The following ACBD6 variants were observed in gnomAD, a reference collection of about 807,000 sequenced individuals.
ACBD6 encodes acyl-CoA-binding domain-containing protein 6.
In ACBD6, 28 loss-of-function variants were observed where a neutral mutation model predicts 37.2. The ratio of observed to expected loss-of-function variants is 0.75; its 90% CI spans 0.56 to 1.03. The LOEUF (loss-of-function observed/expected upper bound fraction) is 1.03, where lower values mean the gene tolerates loss of function less well. Among genes scored for constraint, ACBD6 ranks in the 50% least tolerant of loss-of-function variants. The pLI is 0.00. For missense variants in ACBD6, 340 were observed against 337.4 expected (o/e 1.01, Z -0.06); for synonymous variants, 113 against 126.8 (o/e 0.89, Z 0.73).
downstream of ACBD6, among the ~76,000 whole-genome samples, chr1:180,286,402 A>T (rs1359162298): frequency 6.6e-6 from 1 of 152,250 alleles, no homozygotes; most frequent in African/African-American, 2.4e-5. Flanking sequence ...TGAAAAAAGG[A>T]GTTCCTTAAT....
intron 5 of ACBD6, among the ~76,000 whole-genome samples, chr1:180,398,801 ATGT>A (rs1654360936): frequency 6.6e-6 from 1 of 152,212 alleles, no homozygotes; most frequent in South Asian, 2.1e-4. Context: ...GATGGTGATG[ATGT>A]TGTCATTTAT....
chr1:180,496,705 G>C (rs554774380), intron 1 of ACBD6, among the ~76,000 whole-genome samples: 55 of 152,232 alleles, frequency 3.6e-4, no homozygotes, highest in South Asian at 4.1e-4. Flanking sequence ...TTTGCTTAGC[G>C]ATTAATTGCA....
At chr1:180,479,290 T>A (rs1650929985) in intron 3 of ACBD6, among the ~76,000 whole-genome samples, 2 of 152,172 alleles carry the variant, frequency 1.3e-5, no homozygotes, top group South Asian at 4.1e-4. Context: ...GTGGTATATA[T>A]ACACAATGAA....
chr1:180,390,048 T>A (rs2101940437), intron 6 of ACBD6, among the ~76,000 whole-genome samples: 1 of 152,164 alleles, frequency 6.6e-6, no homozygotes, highest in African/African-American at 2.4e-5. Flanking sequence ...TGCCATTGCT[T>A]TTGGTGTTTT....
Position 180,469,887 on chromosome 1 carries a change from C to T in ACBD6, c.384+22382G>A, listed in dbSNP as rs151196205. ...AAATTTATACTTGCATTGCACTCTA[C>T]AGTTTACAAATTTGTTTTCTACATA... On this transcript the variant is annotated intron_variant, in intron 3 of 7. Transcript: ENST00000367595. Among the ~76,000 whole-genome samples, 7 of 152,268 alleles carry T rather than the reference C, an allele frequency of 4.6e-5. No homozygotes were observed. In the East Asian group the frequency reaches 1.2e-3, roughly 25 times the overall value.
In ACBD6 at chr1:180,389,162, C is replaced by T. The variant is rs537150722; in HGVS notation, c.663+8354G>A. Among the ~76,000 whole-genome samples, 7 of 152,272 alleles carry T rather than the reference C, an allele frequency of 4.6e-5. No individual in the cohort carries two copies. In the South Asian group the frequency reaches 1.5e-3, roughly 32 times the overall value. Reference sequence around the variant, plus strand: ...AATGTTATCCCTTCCCGCTCCCCCGCCCACAACAGGCCCCAGAGTGTGATG... The same window carrying T: ...AATGTTATCCCTTCCCGCTCCCCCGTCCACAACAGGCCCCAGAGTGTGATG... On this transcript the variant is annotated intron_variant, in intron 6 of 7. Coordinates refer to ENST00000367595, the MANE Select transcript of ACBD6 (RefSeq NM_032360.4).
At chr1:180,352,396 G>C (rs913972342) in intron 6 of ACBD6, among the ~76,000 whole-genome samples, 1 of 151,920 alleles carries the variant, frequency 6.6e-6, no homozygotes, top group African/African-American at 2.4e-5. Flanking sequence ...CACCACGTTG[G>C]CCAGATTGGT....
chr1:180,383,865 T>C (rs1389289786), intron 6 of ACBD6, among the ~76,000 whole-genome samples: 4 of 151,996 alleles, frequency 2.6e-5, no homozygotes, highest in African/African-American at 7.2e-5. Flanking sequence ...GAAGTAAATC[T>C]AGGTATTTAG....
chr1:180,390,335 G>A (rs1476702800), intron 6 of ACBD6, among the ~76,000 whole-genome samples: 1 of 146,524 alleles, frequency 6.8e-6, no homozygotes, highest in Non-Finnish European at 1.5e-5. Context: ...TTATTTCTGA[G>A]GGCTCTGTTC....
chr1:180,463,164 A>G (rs1442979333), intron 3 of ACBD6, among the ~76,000 whole-genome samples: 1 of 152,162 alleles, frequency 6.6e-6, no homozygotes, highest in Admixed American at 6.6e-5. Context: ...ACTAAAAGAA[A>G]TAGAGAACCA....
rs1299269362 is a variant in ACBD6, at chr1:180,502,367, T to C, written c.-101A>G. ...GGCCCACCAGTCTGGGTCGCGAGCC[T>C]GAGCTCCAGTCGGACCCAAGCTCAG... On this transcript the variant is annotated 5_prime_UTR_variant, in exon 1 of 8. Coordinates refer to ENST00000367595, the MANE Select transcript of ACBD6 (RefSeq NM_032360.4). 2.7e-5 allele frequency: 36 copies of C among 1,329,480 alleles called. No homozygotes were observed. The highest frequency in any genetic ancestry group is 1.4e-5 in the African/African-American group (1 of 69,054). 82.4% of individuals were successfully genotyped at this position (1,329,480 alleles called of 1,614,324 possible). A position where few individuals can be genotyped will look rare whatever the true frequency, so the allele number is the denominator to read the frequency against.
At chr1:180,447,159 T>C (rs1423968942) in intron 3 of ACBD6, among the ~76,000 whole-genome samples, 1 of 152,152 alleles carries the variant, frequency 6.6e-6, no homozygotes. Context: ...AGAACAGAAA[T>C]GATATGAACA....
chr1:180,378,805 T>C (rs938729934), intron 6 of ACBD6, among the ~76,000 whole-genome samples: 1 of 152,062 alleles, frequency 6.6e-6, no homozygotes, highest in Non-Finnish European at 1.5e-5. Flanking sequence ...ACCTGCAGAT[T>C]TGGGCACTGG....
At chr1:180,411,240 T>A (rs1162744976) in intron 5 of ACBD6, among the ~76,000 whole-genome samples, 2 of 152,222 alleles carry the variant, frequency 1.3e-5, no homozygotes, top group Non-Finnish European at 2.9e-5. Flanking sequence ...TGAACATTGT[T>A]GAAATAACAA....
Position 180,492,325 on chromosome 1 carries a change from C to T in ACBD6, c.328G>A (p.Ala110Thr). The T allele has an allele frequency of 2.5e-6, 4 of 1,614,058 alleles. No individual in the cohort carries two copies. The highest frequency in any genetic ancestry group is 3.4e-6 in the Non-Finnish European group (4 of 1,179,998). ...ACTACTGCGATATATTCCTGCATTGCTTGGCTGGGGCTTGAATCACCAAGT... is the reference window on the plus strand; with the variant it reads ...ACTACTGCGATATATTCCTGCATTGTTTGGCTGGGGCTTGAATCACCAAGT... ...KALGDSSPSQAMQEYIAVVKK... is the reference protein window; with the variant it reads ...KALGDSSPSQTMQEYIAVVKK... The change falls in exon 3 of 8, where the codon GCA becomes ACA. Residue 110 changes from alanine (A) to threonine (T), a missense_variant. Physicochemically the swap from Ala to Thr is moderately conservative, Grantham distance 58. Transcript: ENST00000367595.
intron 6 of ACBD6, among the ~76,000 whole-genome samples, chr1:180,322,964 A>G (rs1219473503): frequency 6.6e-6 from 1 of 151,432 alleles, no homozygotes; most frequent in Non-Finnish European, 1.5e-5. Flanking sequence ...CCATTAGGTT[A>G]TTGGAAGTTT....
chr1:180,273,592 T>A (rs988035407), intron 11 of ACBD6: 1 of 152,492 alleles, frequency 6.6e-6, no homozygotes, highest in Non-Finnish European at 1.5e-5. Context: ...AAAAGAAGGT[T>A]CATTTGCCTT....
chr1:180,397,129 T>C (rs1182487902), intron 6 of ACBD6, among the ~76,000 whole-genome samples: 1 of 152,202 alleles, frequency 6.6e-6, no homozygotes, highest in Non-Finnish European at 1.5e-5. Context: ...GAGGTATTGT[T>C]ACATGTTACA....
chr1:180,316,334 G>GCA (rs1553291612), intron 6 of ACBD6, among the ~76,000 whole-genome samples: 1 of 143,838 alleles, frequency 7.0e-6, no homozygotes, highest in African/African-American at 2.7e-5. Flanking sequence ...GTGCGTGAGT[G>GCA]CGCACACACA....
Sources: allele counts gnomAD v4.1 joint callset (sites outside exome capture counted in the v4.1 genomes callset), GRCh38; gene constraint gnomAD v4.1.1; transcripts MANE v1.5; gene names NCBI Gene and HGNC (gene_info 2026-07-23, HGNC 2026-07-21).